SLC43A1: variants seen among roughly 807,000 people sequenced by gnomAD.
SLC43A1 encodes large neutral amino acids transporter small subunit 3.
A neutral mutation model predicts 59.5 loss-of-function variants in SLC43A1; 31 were observed. The ratio of observed to expected loss-of-function variants is 0.52; its 90% CI spans 0.39 to 0.70. SLC43A1 has a LOEUF of 0.70. Among genes scored for constraint, SLC43A1 ranks in the 30% least tolerant of loss-of-function variants. The pLI is 0.00. For synonymous variants in SLC43A1, 259 were observed against 290.9 expected (o/e 0.89, Z 1.12); for missense variants, 598 against 717.8 (o/e 0.83, Z 1.91).
chr11:57,491,442 A>G, intron 10 of SLC43A1, 80 bp from the exon 11 acceptor site: 3 of 1,556,468 alleles, frequency 1.9e-6, no homozygotes, highest in Non-Finnish European at 2.6e-6. Context: ...GAGGCCAGAG[A>G]GCACCAAAAT....
Position 57,485,034 on chromosome 11 carries a change from G to A in SLC43A1, c.*62C>T, listed in dbSNP as rs183078669. The A allele has an allele frequency of 2.2e-4, 338 of 1,531,018 alleles. 3 individuals carry two copies. In the East Asian group the frequency reaches 7.7e-3, roughly 35 times the overall value. 94.8% of individuals were successfully genotyped at this position (1,531,018 alleles called of 1,614,324 possible). On this transcript the variant is annotated 3_prime_UTR_variant, in exon 15 of 15. Transcript: ENST00000278426. The stretch of plus-strand genomic sequence containing the variant: ...GTTACAGGTAGAAAAGCCATATGGG[G>A]CACTCCTTTTGGTTGCTCAGGCCTT...
intron 2 of SLC43A1, among the ~76,000 whole-genome samples, chr11:57,513,220 A>G (rs1944597498): frequency 6.6e-6 from 1 of 152,234 alleles, no homozygotes; most frequent in African/African-American, 2.4e-5. Context: ...GGTTGGGGAA[A>G]GGGGATAAAA....
intron 2 of SLC43A1, among the ~76,000 whole-genome samples, chr11:57,510,232 G>A (rs1310917560): frequency 8.6e-5 from 13 of 151,850 alleles, no homozygotes; most frequent in African/African-American, 2.7e-4. Flanking sequence ...CGAGGTGGGC[G>A]GATCACTTGA....
intron 10 of SLC43A1, 44 bp downstream of exon 10, chr11:57,491,547 C>A: frequency 6.2e-7 from 1 of 1,612,412 alleles, no homozygotes; most frequent in South Asian, 1.1e-5. Context: ...AAGCGGGTTG[C>A]AGTGGGGTGG....
chr11:57,508,989 G>T (rs570632223), intron 2 of SLC43A1, among the ~76,000 whole-genome samples: 1 of 151,844 alleles, frequency 6.6e-6, no homozygotes, highest in Non-Finnish European at 1.5e-5. Flanking sequence ...GGTGGTACAC[G>T]CCTGTAATAC....
intron 8 of SLC43A1, 67 bp from the exon 9 acceptor site, chr11:57,491,929 A>C: frequency 6.6e-7 from 1 of 1,509,238 alleles, no homozygotes; most frequent in Non-Finnish European, 9.1e-7. Context: ...GTCCCAGCTC[A>C]TGCAGTTCTT....
intron 11 of SLC43A1, 137 bp from the exon 12 acceptor site, chr11:57,489,529 A>T: frequency 8.3e-6 from 8 of 959,000 alleles, no homozygotes; most frequent in South Asian, 1.6e-5. Flanking sequence ...TTTCTATGGG[A>T]AACCCATAGA....
intron 2 of SLC43A1, among the ~76,000 whole-genome samples, chr11:57,507,266 T>C (rs1012228174): frequency 6.6e-6 from 1 of 152,152 alleles, no homozygotes; most frequent in African/African-American, 2.4e-5. Flanking sequence ...CCAGGGGTTC[T>C]AGATCAGCCT....
chr11:57,485,576 C>T (rs1943707471), intron 14 of SLC43A1, among the ~76,000 whole-genome samples: 1 of 152,158 alleles, frequency 6.6e-6, no homozygotes, highest in Non-Finnish European at 1.5e-5. Context: ...TCTGGGCTCA[C>T]CCCTCTGACC....
At chr11:57,501,098 T>TC (rs1457638716) in intron 3 of SLC43A1, 54 bp downstream of exon 3, 122 of 1,252,528 alleles carry the variant, frequency 9.7e-5, no homozygotes, top group Non-Finnish European at 1.3e-4. Context: ...CCCCCTCCCC[T>TC]CCCCCTGCAG....
chr11:57,495,948 T>C, intron 7 of SLC43A1, 83 bp downstream of exon 7: 1 of 1,504,776 alleles, frequency 6.6e-7, no homozygotes, highest in Non-Finnish European at 9.0e-7. Context: ...GAGGTCTCTC[T>C]GAATCCAAAG....
intron 13 of SLC43A1, 32 bp from the exon 14 acceptor site, chr11:57,487,250 G>C: frequency 6.2e-7 from 1 of 1,604,176 alleles, no homozygotes; most frequent in Non-Finnish European, 8.5e-7. Flanking sequence ...TCAGGGGTGT[G>C]TGGCCCTCTC....
Position 57,485,172 on chromosome 11 carries a change from G to A in SLC43A1, c.1604C>T (p.Ala535Val). Residue 535 changes from alanine (A) to valine (V), a missense_variant, in exon 15 of 15, where the codon GCC becomes GTC. By Grantham distance (64) the Ala-to-Val change is moderately conservative (BLOSUM62 0). Transcript: ENST00000278426. Reference protein sequence around the residue: ...LLPSYLFYYRARLQQEYAANG... With the variant: ...LLPSYLFYYRVRLQQEYAANG... ...GGCGGCGTACTCCTGCTGGAGCCGG[G>A]CACGGTAATAGAAGAGGTAGGAAGG... 1 of 1,614,076 alleles carries A rather than the reference G, an allele frequency of 6.2e-7. No homozygotes were observed. The highest frequency in any genetic ancestry group is 8.5e-7 in the Non-Finnish European group (1 of 1,180,006).
At position 57,515,077 on chromosome 11, in the gene SLC43A1, C is replaced by G; in HGVS notation, c.-14+367G>C. 1.0e-6 allele frequency: 1 copy of G among 985,202 alleles called. No individual in the cohort carries two copies. Among genetic ancestry groups the G allele is most frequent in the Non-Finnish European group, 1.2e-6 (1 of 829,842 alleles). 61.0% of individuals were successfully genotyped at this position (985,202 alleles called of 1,614,324 possible). On this transcript the variant is annotated intron_variant, in intron 1 of 14. Transcript: ENST00000278426. This position sits in a 1 kb window ranked among gnomAD's most constrained non-coding sequence, Gnocchi z 5.3. ...GCGGAGAGGAGAAGGGCAAGAAAGACCCAGAGAGAGGGGAGGAAGTACCAG... is the reference window on the plus strand; with the variant it reads ...GCGGAGAGGAGAAGGGCAAGAAAGAGCCAGAGAGAGGGGAGGAAGTACCAG...
At chr11:57,508,841 G>A (rs1252160089) in intron 2 of SLC43A1, among the ~76,000 whole-genome samples, 1 of 152,160 alleles carries the variant, frequency 6.6e-6, no homozygotes, top group Non-Finnish European at 1.5e-5. Flanking sequence ...AAAGGACTGG[G>A]CACGGTGGCT....
At chr11:57,509,724 AG>A (rs1436102128) in intron 2 of SLC43A1, among the ~76,000 whole-genome samples, 9 of 102,428 alleles carry the variant, frequency 8.8e-5, no homozygotes, top group African/African-American at 8.0e-4. Context: ...GAGGGAAAGA[AG>A]GAAGGAAGGA....
chr11:57,492,001 G>A (rs1374265434), intron 8 of SLC43A1, 139 bp from the exon 9 acceptor site: 1 of 831,142 alleles, frequency 1.2e-6, no homozygotes, highest in Non-Finnish European at 1.8e-6. Flanking sequence ...AGACGGGAAA[G>A]TTCAGATTCA....
chr11:57,513,857 G>A, intron 2 of SLC43A1, 101 bp downstream of exon 2: 1 of 914,768 alleles, frequency 1.1e-6, no homozygotes. Context: ...TCCAACTGCT[G>A]ACCCTGCTTT....
chr11:57,496,755 T>C (rs757376826), intron 6 of SLC43A1, among the ~76,000 whole-genome samples: 1 of 152,228 alleles, frequency 6.6e-6, no homozygotes, highest in East Asian at 1.9e-4. Context: ...AAGTTCTCAA[T>C]TGAATGAGAT....
Sources: gnomAD v4.1 joint callset for allele counts (sites outside exome capture counted in the v4.1 genomes callset) on GRCh38, gnomAD v4.1.1 for gene constraint, Gnocchi (gnomAD v3.1) non-coding constraint, MANE v1.5 for transcripts, NCBI Gene and HGNC (gene_info 2026-07-23, HGNC 2026-07-21) for gene names.